The following ATXN7 variants were observed in gnomAD, a reference collection of about 807,000 sequenced individuals.
ATXN7 encodes ataxin 7.
ATXN7 carries 12 observed loss-of-function variants against 70.5 expected under a neutral mutation model. The ratio of observed to expected loss-of-function variants is 0.17; its 90% CI spans 0.11 to 0.28. The LOEUF (loss-of-function observed/expected upper bound fraction) is 0.28, where lower values mean the gene tolerates loss of function less well. ATXN7 is among the 10% of genes least tolerant of loss of function. The pLI is 1.00. For missense variants in ATXN7, 1,256 were observed against 1,131.7 expected (o/e 1.11, Z -1.58); for synonymous variants, 498 against 448.7 (o/e 1.11, Z -1.39).
At chr3:63,984,745 T>C (rs2075546422) in intron 8 of ATXN7, among the ~76,000 whole-genome samples, 2 of 152,242 alleles carry the variant, frequency 1.3e-5, no homozygotes, top group African/African-American at 4.8e-5. Flanking sequence ...TTCATCTTGC[T>C]ATAACTGAAA....
chr3:64,002,271 G>A lies in ATXN7; in HGVS notation c.*2804G>A, dbSNP rs1211449079. 6.6e-6 allele frequency: 1 copy of A among 152,384 alleles called. No homozygotes were observed. The highest frequency in any genetic ancestry group is 1.9e-4 in the East Asian group (1 of 5,176). 9.4% of individuals were successfully genotyped at this position (152,384 alleles called of 1,614,324 possible). A position where few individuals can be genotyped will look rare whatever the true frequency, so the allele number is the denominator to read the frequency against. On this transcript the variant is annotated 3_prime_UTR_variant, in exon 13 of 13. Coordinates refer to ENST00000674280, the MANE Select transcript of ATXN7 (RefSeq NM_001377405.1). ...AAATACCTTTTTATAATTTGAAGTG[G>A]TTCACTGCCAAGCCAATAGTTCTAG...
intron 1 of ATXN7, among the ~76,000 whole-genome samples, chr3:63,896,095 T>C (rs1234366986): frequency 1.3e-5 from 2 of 152,114 alleles, no homozygotes; most frequent in Non-Finnish European, 2.9e-5. Flanking sequence ...AGTACAAGTA[T>C]GACTTGGCAT....
intron 4 of ATXN7, among the ~76,000 whole-genome samples, chr3:63,944,735 A>T (rs1201046579): frequency 6.6e-6 from 1 of 152,016 alleles, no homozygotes; most frequent in African/African-American, 2.4e-5. Context: ...TCTAATGTGG[A>T]TCAATTTTGT....
rs1271112222 is a variant in ATXN7, at chr3:63,912,993, G to A, written c.325+70G>A. 4 of 1,001,168 alleles carry A rather than the reference G, an allele frequency of 4.0e-6. No individual in the cohort carries two copies. In the South Asian group the frequency reaches 8.1e-5, roughly 20 times the overall value. 62.0% of individuals were successfully genotyped at this position (1,001,168 alleles called of 1,614,324 possible). ...CCTCCTCTCTCCTCCCCTCCCCCCTGCCCCCCTCCTGTGACCCGCCCCCTC... is the reference window on the plus strand; with the variant it reads ...CCTCCTCTCTCCTCCCCTCCCCCCTACCCCCCTCCTGTGACCCGCCCCCTC... On this transcript the variant is annotated intron_variant, in intron 3 of 12. Transcript: ENST00000674280.
intron 12 of ATXN7, among the ~76,000 whole-genome samples, chr3:63,996,883 T>C (rs1451375942): frequency 6.6e-6 from 1 of 152,368 alleles, no homozygotes; most frequent in East Asian, 1.9e-4. Context: ...AGGCATTGTT[T>C]CCTGGATAGT....
chr3:63,955,559 G>C (rs1359508848), intron 5 of ATXN7, among the ~76,000 whole-genome samples: 9 of 152,104 alleles, frequency 5.9e-5, no homozygotes, highest in African/African-American at 2.2e-4. Context: ...TCTATCTTTT[G>C]GGGACAGGGG....
chr3:63,911,949 C>CGGCT (rs1704029774), intron 2 of ATXN7: 1 of 152,404 alleles, frequency 6.6e-6, no homozygotes, highest in Non-Finnish European at 1.5e-5. Flanking sequence ...GCCGGCCGGC[C>CGGCT]GGCTCCTCCA....
At chr3:63,869,055 A>G (rs972604078) in intron 1 of ATXN7, among the ~76,000 whole-genome samples, 4 of 152,232 alleles carry the variant, frequency 2.6e-5, no homozygotes, top group African/African-American at 9.6e-5. Context: ...ACGTAAATAA[A>G]ATACTGTATA....
intron 5 of ATXN7, among the ~76,000 whole-genome samples, chr3:63,959,982 G>T (rs1023303661): frequency 6.6e-6 from 1 of 152,124 alleles, no homozygotes. Context: ...ACAATACATT[G>T]TATTAAGGAG....
chr3:63,937,185 A>G lies in ATXN7; in HGVS notation c.395-15194A>G, dbSNP rs146671514. Among the ~76,000 whole-genome samples, 623 of 152,346 alleles carry G rather than the reference A, an allele frequency of 4.1e-3. 3 individuals carry two copies. Among genetic ancestry groups the G allele is most frequent in the African/African-American group, 0.015 (606 of 41,574 alleles). On this transcript the variant is annotated intron_variant, in intron 4 of 12. Transcript: ENST00000674280. ...TGATAAGCATGGACGTAAATAAGGC[A>G]GTGTGTCGACTGTTTTTCAGAAATG...
At chr3:63,993,275 A>ATTTTTTT (rs556994956) in intron 11 of ATXN7, among the ~76,000 whole-genome samples, 108 of 115,972 alleles carry the variant, frequency 9.3e-4, no homozygotes, top group African/African-American at 3.0e-3. Context: ...TTGTTGGTGT[A>ATTTTTTT]TTTTTTTTTT....
At chr3:63,951,488 A>G (rs1191846959) in intron 4 of ATXN7, among the ~76,000 whole-genome samples, 2 of 152,226 alleles carry the variant, frequency 1.3e-5, no homozygotes, top group East Asian at 3.8e-4. Flanking sequence ...TTATCCATTC[A>G]TTGCAGATAT....
chr3:63,987,069 C>A (rs2075589524), intron 8 of ATXN7, among the ~76,000 whole-genome samples: 2 of 152,222 alleles, frequency 1.3e-5, no homozygotes, highest in Non-Finnish European at 2.9e-5. Flanking sequence ...TCAGGTTTAA[C>A]TTGAGTGATT....
chr3:63,943,272 G>T (rs1053148036), intron 4 of ATXN7, among the ~76,000 whole-genome samples: 3 of 152,206 alleles, frequency 2.0e-5, no homozygotes, highest in African/African-American at 7.2e-5. Flanking sequence ...CGGAGAGTTC[G>T]AAGAGAGCAG....
At chr3:63,926,821 C>T (rs184958582) in intron 4 of ATXN7, among the ~76,000 whole-genome samples, 1 of 152,044 alleles carries the variant, frequency 6.6e-6, no homozygotes, top group African/African-American at 2.4e-5. Flanking sequence ...CCCTTGCCCC[C>T]CAATGCCCAA....
At chr3:63,890,170 TA>T (rs1316831722) in intron 1 of ATXN7, among the ~76,000 whole-genome samples, 1 of 152,244 alleles carries the variant, frequency 6.6e-6, no homozygotes, top group Non-Finnish European at 1.5e-5. Flanking sequence ...CAACTGTTTG[TA>T]GCAAGCCAAT....
At chr3:63,991,740 T>G (rs1464675677) in intron 11 of ATXN7, among the ~76,000 whole-genome samples, 1 of 152,088 alleles carries the variant, frequency 6.6e-6, no homozygotes, top group East Asian at 1.9e-4. Context: ...TGTGTGATAT[T>G]ATGTACCTAA....
chr3:63,863,530 G>C, upstream of ATXN7: 2 of 1,193,394 alleles, frequency 1.7e-6, no homozygotes, highest in Non-Finnish European at 2.1e-6. Context: ...GCCTCCGGGA[G>C]AGCGGACGGG....
intron 1 of ATXN7, among the ~76,000 whole-genome samples, chr3:63,887,095 A>G (rs1292892989): frequency 6.6e-6 from 1 of 152,216 alleles, no homozygotes; most frequent in African/African-American, 2.4e-5. Flanking sequence ...AGCGAACAGG[A>G]AGGTATTTAT....
Sources: allele counts gnomAD v4.1 joint callset (sites outside exome capture counted in the v4.1 genomes callset), GRCh38; gene constraint gnomAD v4.1.1; transcripts MANE v1.5; gene names NCBI Gene and HGNC (gene_info 2026-07-23, HGNC 2026-07-21).